The following PRKCQ variants were observed in gnomAD, a reference collection of about 807,000 sequenced individuals.
PRKCQ encodes protein kinase C theta type.
PRKCQ carries 41 observed loss-of-function variants against 91.2 expected under a neutral mutation model. The observed-to-expected ratio is 0.45, with a 90% CI of 0.35 to 0.58. PRKCQ has a LOEUF of 0.58. PRKCQ is among the 20% of genes least tolerant of loss of function. The probability of loss-of-function intolerance (pLI) is 0.00; values close to 1 mark genes in which losing one functional copy is unlikely to be tolerated. For synonymous variants in PRKCQ, 307 were observed against 316.9 expected (o/e 0.97, Z 0.33); for missense variants, 673 against 896.5 (o/e 0.75, Z 3.18).
chr10:6,553,974 T>TA (rs35281231), intron 1 of PRKCQ, among the ~76,000 whole-genome samples: 68,234 of 150,914 alleles, frequency 0.45, 16,367 homozygotes, highest in African/African-American at 0.64. Flanking sequence ...GTGGAAACAG[T>TA]AAAAAAAAAC....
intron 1 of PRKCQ, among the ~76,000 whole-genome samples, chr10:6,534,047 TA>T (rs1448849964): frequency 1.2e-4 from 18 of 152,164 alleles, no homozygotes; most frequent in African/African-American, 4.3e-4. Flanking sequence ...TTAATACACG[TA>T]AAGCTGGGAG....
At chr10:6,480,584 AG>A (rs1836543491) in intron 11 of PRKCQ, among the ~76,000 whole-genome samples, 1 of 152,274 alleles carries the variant, frequency 6.6e-6, no homozygotes, top group Admixed American at 6.5e-5. Flanking sequence ...CAGATGAATT[AG>A]CCCCTCTGGG....
At chr10:6,559,645 C>T (rs184662802) in intron 1 of PRKCQ, among the ~76,000 whole-genome samples, 19 of 152,312 alleles carry the variant, frequency 1.2e-4, no homozygotes, top group Admixed American at 2.6e-4. Flanking sequence ...AGGTGTGAGC[C>T]ACCGTGCCTG....
intron 1 of PRKCQ, among the ~76,000 whole-genome samples, chr10:6,525,080 T>C (rs941018217): frequency 6.6e-5 from 10 of 151,834 alleles, no homozygotes; most frequent in Non-Finnish European, 1.0e-4. Context: ...ATTTTCAGAG[T>C]CCCAACAACT....
chr10:6,516,016 A>T (rs1046161033), intron 1 of PRKCQ, among the ~76,000 whole-genome samples: 1 of 152,234 alleles, frequency 6.6e-6, no homozygotes, highest in African/African-American at 2.4e-5. Flanking sequence ...ATATTCAGCA[A>T]AAAAGTTACT....
At chr10:6,453,962 C>A (rs918025067) in intron 15 of PRKCQ, among the ~76,000 whole-genome samples, 7 of 151,984 alleles carry the variant, frequency 4.6e-5, no homozygotes, top group Admixed American at 1.3e-4. Context: ...AGGAGATATA[C>A]CTAATGCTAA....
At chr10:6,471,619 G>A (rs72781754) in intron 12 of PRKCQ, among the ~76,000 whole-genome samples, 19,256 of 152,036 alleles carry the variant, frequency 0.13, 1,620 homozygotes, top group Middle Eastern at 0.27. Context: ...GCGCAGTGGC[G>A]CACGCTTGTA....
intron 12 of PRKCQ, among the ~76,000 whole-genome samples, chr10:6,469,372 G>T (rs1342851828): frequency 6.6e-6 from 1 of 152,202 alleles, no homozygotes; most frequent in East Asian, 1.9e-4. Flanking sequence ...AACCTAGGGA[G>T]ATGTCTACAC....
intron 1 of PRKCQ, among the ~76,000 whole-genome samples, chr10:6,564,911 TACCAA>T (rs1198326468): frequency 3.3e-5 from 5 of 152,262 alleles, no homozygotes; most frequent in African/African-American, 7.2e-5. Flanking sequence ...AATTACTTGC[TACCAA>T]ATCCCATTTC....
downstream of PRKCQ, among the ~76,000 whole-genome samples, chr10:6,425,070 T>C (rs2132210450): frequency 6.6e-6 from 1 of 152,236 alleles, no homozygotes; most frequent in East Asian, 1.9e-4. Context: ...AAAACTTTAG[T>C]GAACAATCAT....
chr10:6,543,197 C>T (rs1220888792), intron 1 of PRKCQ, among the ~76,000 whole-genome samples: 2 of 152,188 alleles, frequency 1.3e-5, no homozygotes, highest in African/African-American at 4.8e-5. Context: ...TTTCTGTGCG[C>T]TCAGTAATTG....
chr10:6,523,137 A>G (rs521153), intron 1 of PRKCQ, among the ~76,000 whole-genome samples: 52,512 of 152,066 alleles, frequency 0.35, 9,555 homozygotes, highest in African/African-American at 0.46. Flanking sequence ...AACAAAAATG[A>G]TCTCAAAAGT....
chr10:6,513,092 G>A (rs1406889099), intron 2 of PRKCQ, among the ~76,000 whole-genome samples: 2 of 152,112 alleles, frequency 1.3e-5, no homozygotes, highest in Non-Finnish European at 2.9e-5. Context: ...CATTCGCCAC[G>A]TTTGTAATCA....
chr10:6,473,244 T>C (rs1269068938), intron 12 of PRKCQ, among the ~76,000 whole-genome samples: 3 of 152,246 alleles, frequency 2.0e-5, no homozygotes, highest in Non-Finnish European at 4.4e-5. Context: ...TCTCTCCCTA[T>C]GGAAACCCTA....
intron 1 of PRKCQ, among the ~76,000 whole-genome samples, chr10:6,578,642 G>A (rs1841332047): frequency 6.6e-6 from 1 of 152,254 alleles, no homozygotes; most frequent in Non-Finnish European, 1.5e-5. Flanking sequence ...CAATCAGCAG[G>A]AGGAAGGGAC....
Position 6,575,523 on chromosome 10 carries a change from T to A in PRKCQ, c.-10+4688A>T, listed in dbSNP as rs12269660. 2.8e-3 allele frequency among the ~76,000 whole-genome samples: 419 copies of A among 152,352 alleles called. 2 individuals carry two copies. Among genetic ancestry groups the A allele is most frequent in the African/African-American group, 9.7e-3 (403 of 41,584 alleles). On this transcript the variant is annotated intron_variant, in intron 1 of 17. Coordinates refer to ENST00000263125, the MANE Select transcript of PRKCQ (RefSeq NM_006257.5). ...GACATTCTGTTTATGTTTTAGGGAC[T>A]GTCCTTTCCATGGCTTCCCTAGTCC... is the stretch of plus-strand genomic sequence containing the variant.
the PRKCQ span, among the ~76,000 whole-genome samples, chr10:6,396,241 C>A: frequency 6.6e-6 from 1 of 152,072 alleles, no homozygotes; most frequent in African/African-American, 2.4e-5. Flanking sequence ...TTTTTGCCCT[C>A]AAGAGTTGAT....
In PRKCQ at chr10:6,428,095, ATTG is replaced by A; in HGVS notation, c.*109_*111del. On this transcript the variant is annotated 3_prime_UTR_variant, in exon 18 of 18. Transcript: ENST00000263125. ...TGGGGGCGAACGGGTCTCAGTCTTT[ATTG>A]TTGAGTGTTTCTTTCTTTTTCCAAG... is the stretch of plus-strand genomic sequence containing the variant. The A allele has an allele frequency of 7.2e-7, 1 of 1,394,304 alleles. No individual in the cohort carries two copies. The highest frequency in any genetic ancestry group is 1.0e-6 in the Non-Finnish European group (1 of 1,000,968). 86.4% of individuals were successfully genotyped at this position (1,394,304 alleles called of 1,614,324 possible).
rs144972959 is a variant in PRKCQ at position 6,475,202 on chromosome 10, C to T, written c.1353+3790G>A. The stretch of plus-strand genomic sequence containing the variant: ...TCAGGTTCAGATTTCATGAATTATC[C>T]TGTACATCTATGTCCCCAGACGGTG... On this transcript the variant is annotated intron_variant, in intron 12 of 17. Transcript: ENST00000263125. 2.6e-3 allele frequency among the ~76,000 whole-genome samples: 395 copies of T among 152,236 alleles called. 4 individuals carry two copies. Among genetic ancestry groups the T allele is most frequent in the African/African-American group, 9.3e-3 (387 of 41,526 alleles).
Sources: allele counts gnomAD v4.1 joint callset (sites outside exome capture counted in the v4.1 genomes callset), GRCh38; gene constraint gnomAD v4.1.1; transcripts MANE v1.5; gene names NCBI Gene and HGNC (gene_info 2026-07-23, HGNC 2026-07-21).